The following NCF4 variants were observed in gnomAD, a reference collection of about 807,000 sequenced individuals.
The protein encoded by NCF4 is neutrophil cytosolic factor 4, also known as neutrophil cytosol factor 4.
In NCF4, 30 loss-of-function variants were observed where a neutral mutation model predicts 41.7. The ratio of observed to expected loss-of-function variants is 0.72; its 90% CI spans 0.54 to 0.97. The LOEUF (loss-of-function observed/expected upper bound fraction) is 0.97. NCF4 is among the 50% of genes least tolerant of loss of function. The pLI is 0.00. For missense variants in NCF4, 432 were observed against 460.9 expected, an observed-to-expected ratio of 0.94 and a Z score of 0.57; for synonymous variants, 195 against 175.8, an observed-to-expected ratio of 1.11 and a Z score of -0.87.
chr22:36,867,310 G>C, intron 3 of NCF4, 82 bp from the exon 4 acceptor site: 5 of 1,461,888 alleles, frequency 3.4e-6, no homozygotes, highest in Non-Finnish European at 4.8e-6. Flanking sequence ...CTCTGGCCAG[G>C]GTTCCTGGCC....
intron 2 of NCF4, 29 bp downstream of exon 2, chr22:36,864,158 A>G (rs1414450376): frequency 2.6e-6 from 4 of 1,553,674 alleles, no homozygotes; most frequent in Admixed American, 1.7e-5. Context: ...CCTTCACCCA[A>G]CAACCTCTGA....
chr22:36,866,088 C>G (rs1219129416), intron 3 of NCF4, among the ~76,000 whole-genome samples: 2 of 152,156 alleles, frequency 1.3e-5, no homozygotes, highest in Non-Finnish European at 2.9e-5. Flanking sequence ...TGTCTTTAAA[C>G]AATCCTGAGC....
chr22:36,874,270 G>A (rs899641727), intron 7 of NCF4, among the ~76,000 whole-genome samples: 57 of 152,230 alleles, frequency 3.7e-4, no homozygotes, highest in African/African-American at 1.3e-3. Flanking sequence ...CCTTGGCCTG[G>A]GACCAGCCTT....
In NCF4 at chr22:36,877,759, T is replaced by TG. The variant is rs1273060612; in HGVS notation, c.956_957insG (p.Phe320LeufsTer23). 6.2e-7 allele frequency: 1 copy of TG among 1,614,030 alleles called. No individual in the cohort carries two copies. Among genetic ancestry groups the TG allele is most frequent in the South Asian group, 1.1e-5 (1 of 91,072 alleles). The stretch of plus-strand genomic sequence containing the variant: ...CGTGGCCTCCCCTCCCAGAAGCGCC[T>TG]CTTCCCCTGGAAGCTGCACATCACG... On this transcript the variant is annotated frameshift_variant, in exon 10 of 10. Transcript: ENST00000248899. LOFTEE classifies it high-confidence loss of function.
intron 9 of NCF4, among the ~76,000 whole-genome samples, chr22:36,877,009 T>C (rs1940207187): frequency 6.7e-6 from 1 of 148,828 alleles, no homozygotes; most frequent in South Asian, 2.1e-4. Context: ...GGTGTCTCTC[T>C]GAGGCTTTAT....
chr22:36,870,932 G>A (rs1197732240), intron 5 of NCF4, among the ~76,000 whole-genome samples: 2 of 152,180 alleles, frequency 1.3e-5, no homozygotes, highest in Non-Finnish European at 2.9e-5. Context: ...GTGTGTTGGA[G>A]CTCCATGGGG....
chr22:36,861,296 C>A, intron 1 of NCF4, 93 bp downstream of exon 1: 1 of 1,450,132 alleles, frequency 6.9e-7, no homozygotes, highest in Non-Finnish European at 9.5e-7. Flanking sequence ...CCCTGATCAA[C>A]ATGAGAGGCT....
At chr22:36,872,586 GAT>G (rs1940087546) in intron 7 of NCF4, among the ~76,000 whole-genome samples, 161 bp downstream of exon 7, 9 of 149,570 alleles carry the variant, frequency 6.0e-5, no homozygotes, top group African/African-American at 9.8e-5. Flanking sequence ...TGGAGGTGAG[GAT>G]GGAGGTGAGA....
intron 3 of NCF4, among the ~76,000 whole-genome samples, chr22:36,866,244 G>A (rs1939924363): frequency 6.6e-6 from 1 of 151,776 alleles, no homozygotes; most frequent in South Asian, 2.1e-4. Flanking sequence ...GCTTGGTTTA[G>A]CTCTGACTAC....
intron 9 of NCF4, among the ~76,000 whole-genome samples, chr22:36,876,655 A>C (rs1940200158): frequency 6.6e-6 from 1 of 152,188 alleles, no homozygotes. Context: ...CTTTGGCTGC[A>C]CAAAACCTTT....
In NCF4 at chr22:36,865,148, T is replaced by C. The variant is rs1897878982; in HGVS notation, c.271+76T>C. 1 of 1,575,624 alleles carries C rather than the reference T, an allele frequency of 6.3e-7. No homozygotes were observed. The highest frequency in any genetic ancestry group is 8.6e-7 in the Non-Finnish European group (1 of 1,160,990). ...TTCCAGGGCCCCTGACACTGTTCTGTGATTTGATCTCAACCCCAGTGAAAA... is the reference window on the plus strand; with the variant it reads ...TTCCAGGGCCCCTGACACTGTTCTGCGATTTGATCTCAACCCCAGTGAAAA... On this transcript the variant is annotated intron_variant, in intron 3 of 9. Coordinates refer to ENST00000248899, the MANE Select transcript of NCF4 (RefSeq NM_000631.5). This position sits in a 1 kb window ranked among gnomAD's most constrained non-coding sequence, Gnocchi z 4.3.
chr22:36,874,507 AGGGCTCTTACAGAG>A (rs1940149504), intron 7 of NCF4, among the ~76,000 whole-genome samples: 2 of 152,328 alleles, frequency 1.3e-5, no homozygotes, highest in East Asian at 1.9e-4. Flanking sequence ...TCAGGAACTC[AGGGCTCTTACAGAG>A]GCCTGAGGAG....
At chr22:36,866,748 G>T (rs1284570858) in intron 3 of NCF4, among the ~76,000 whole-genome samples, 1 of 152,116 alleles carries the variant, frequency 6.6e-6, no homozygotes, top group African/African-American at 2.4e-5. Flanking sequence ...CACCTGGAGG[G>T]GACATTTGTC....
At chr22:36,876,455 C>T (rs1201844817) in intron 9 of NCF4, among the ~76,000 whole-genome samples, 1 of 152,132 alleles carries the variant, frequency 6.6e-6, no homozygotes, top group Non-Finnish European at 1.5e-5. Context: ...GAATGGTAAC[C>T]GCATTGCTAC....
In NCF4 at chr22:36,867,399, C is replaced by A; in HGVS notation, c.279C>A (p.Val93=). 1.2e-6 allele frequency: 2 copies of A among 1,614,194 alleles called. No homozygotes were observed. The highest frequency in any genetic ancestry group is 1.7e-6 in the Non-Finnish European group (2 of 1,180,030). Residue 93 remains valine (V), a synonymous_variant, in exon 4 of 10, where the codon GTC becomes GTA. Coordinates refer to ENST00000248899, the MANE Select transcript of NCF4 (RefSeq NM_000631.5). ...ACTLPTLPAK[V]YVGVKQEIAE... ...CTCTTTGTCTCTTCTCAGCCAAAGT[C>A]TACGTGGGTGTGAAACAGGAGATCG...
chr22:36,866,429 TTC>T (rs762154314), intron 3 of NCF4, among the ~76,000 whole-genome samples: 1 of 152,194 alleles, frequency 6.6e-6, no homozygotes, highest in Non-Finnish European at 1.5e-5. Context: ...CTCCTTCAGC[TTC>T]TCTGTTACAG....
At position 36,872,418 on chromosome 22, in the gene NCF4, G is replaced by A. The variant is rs2145720173; in HGVS notation, c.620G>A (p.Trp207Ter). The change falls in exon 7 of 10, where the codon TGG (tryptophan) becomes TAG (stop). Residue 207 changes from tryptophan to a stop codon, truncating the protein, a stop_gained. Transcript: ENST00000248899. LOFTEE classifies it high-confidence loss of function. ...IFLLSRINKD[W>*]LEGTVRGATG... Reference sequence around the variant, plus strand: ...CTCCTCAGTCGGATCAACAAAGACTGGCTGGAGGTGAGTTCAGAAGTGAGG... The same window carrying A: ...CTCCTCAGTCGGATCAACAAAGACTAGCTGGAGGTGAGTTCAGAAGTGAGG... 6.2e-7 allele frequency: 1 copy of A among 1,605,546 alleles called. No homozygotes were observed. Among genetic ancestry groups the A allele is most frequent in the East Asian group, 2.2e-5 (1 of 44,846 alleles).
intron 9 of NCF4, 31 bp from the exon 10 acceptor site, chr22:36,877,597 C>T: frequency 6.2e-7 from 1 of 1,613,006 alleles, no homozygotes; most frequent in Non-Finnish European, 8.5e-7. Context: ...ACGCTTAGGC[C>T]CTTTGATTAT....
At chr22:36,870,852 G>A (rs79951990) in intron 5 of NCF4, among the ~76,000 whole-genome samples, 6 of 152,232 alleles carry the variant, frequency 3.9e-5, no homozygotes, top group African/African-American at 1.4e-4. Context: ...AGAATTGGGG[G>A]CAGAGAGGAG....
Sources: gnomAD v4.1 joint callset for allele counts (sites outside exome capture counted in the v4.1 genomes callset) on GRCh38, gnomAD v4.1.1 for gene constraint, Gnocchi (gnomAD v3.1) non-coding constraint, MANE v1.5 for transcripts, NCBI Gene and HGNC (gene_info 2026-07-23, HGNC 2026-07-21) for gene names.